Variants in ELMO1 observed in about 807,000 individuals in gnomAD.
ELMO1 encodes engulfment and cell motility 1.
ELMO1 carries 26 observed loss-of-function variants against 98.9 expected under a neutral mutation model. The ratio of observed to expected loss-of-function variants is 0.26; its 90% confidence interval spans 0.19 to 0.36. The LOEUF (loss-of-function observed/expected upper bound fraction) is 0.36. ELMO1 is among the 10% of genes least tolerant of loss of function. The probability of loss-of-function intolerance (pLI) is 1.00; values close to 1 mark genes in which losing one functional copy is unlikely to be tolerated. For synonymous variants in ELMO1, 346 were observed against 346.0 expected (o/e 1.00, Z 0.00); for missense variants, 627 against 935.2 (o/e 0.67, Z 4.30).
At chr7:37,162,434 C>T (rs1789288884) in intron 13 of ELMO1, among the ~76,000 whole-genome samples, 1 of 152,152 alleles carries the variant, frequency 6.6e-6, no homozygotes, top group Admixed American at 6.5e-5. Context: ...CTAATCACAT[C>T]CGAGTCACTT....
chr7:37,388,784 TAG>T (rs1802934442), intron 1 of ELMO1, among the ~76,000 whole-genome samples: 2 of 152,088 alleles, frequency 1.3e-5, no homozygotes, highest in African/African-American at 4.8e-5. Context: ...GCCTGGGCAA[TAG>T]AGAGAGACCC....
At chr7:37,194,361 C>T (rs1791837215) in intron 13 of ELMO1, among the ~76,000 whole-genome samples, 1 of 152,206 alleles carries the variant, frequency 6.6e-6, no homozygotes, top group East Asian at 1.9e-4. Flanking sequence ...CCCGGCCACA[C>T]AAGCTGTGCA....
At chr7:37,298,334 G>C (rs1798163304) in intron 4 of ELMO1, among the ~76,000 whole-genome samples, 1 of 145,440 alleles carries the variant, frequency 6.9e-6, no homozygotes, top group Admixed American at 6.9e-5. Flanking sequence ...TTAAGTTTTA[G>C]GGTACATGTG....
intron 13 of ELMO1, among the ~76,000 whole-genome samples, chr7:37,172,962 A>C (rs150380668): frequency 6.6e-6 from 1 of 152,300 alleles, no homozygotes; most frequent in Non-Finnish European, 1.5e-5. Context: ...AAGGAGTAGA[A>C]GTCAGCAGGG....
intron 13 of ELMO1, among the ~76,000 whole-genome samples, chr7:37,189,973 A>G (rs1791465700): frequency 6.6e-6 from 1 of 151,300 alleles, no homozygotes; most frequent in Admixed American, 6.6e-5. Context: ...ACAATCCTGG[A>G]CTATGAATCT....
At chr7:37,289,995 A>G (rs561551712) in intron 4 of ELMO1, among the ~76,000 whole-genome samples, 82 of 152,362 alleles carry the variant, frequency 5.4e-4, no homozygotes, top group Non-Finnish European at 1.1e-3. Context: ...CTAATGCAAC[A>G]TAGGCCTAAG....
intron 2 of ELMO1, among the ~76,000 whole-genome samples, chr7:37,319,963 G>A (rs374667502): frequency 2.6e-5 from 4 of 152,196 alleles, no homozygotes; most frequent in Admixed American, 6.5e-5. Context: ...TCCAATAAAA[G>A]TGTAAGTCCC....
rs1554344554 is a variant in ELMO1, at chr7:36,870,762, CTGTT to C, written c.1823-291_1823-288del. Among the ~76,000 whole-genome samples the C allele has an allele frequency of 6.6e-6, 1 of 152,200 alleles. No individual in the cohort carries two copies. The highest frequency in any genetic ancestry group is 1.5e-5 in the Non-Finnish European group (1 of 68,046). On this transcript the variant is annotated intron_variant, in intron 19 of 21. Transcript: ENST00000310758. The surrounding 1 kb of genome is among the most constrained non-coding windows in gnomAD (Gnocchi z 4.4). ...ACCTAAAAAAACACCCATCATAGTA[CTGTT>C]TGAAGTCATGGCATTAGAAGCAGCA...
intron 2 of ELMO1, among the ~76,000 whole-genome samples, chr7:37,337,388 A>AG (rs1800472753): frequency 1.3e-5 from 2 of 150,994 alleles, no homozygotes; most frequent in African/African-American, 4.9e-5. Flanking sequence ...GGGTAAGGGA[A>AG]GGGGGGAGGG....
intron 1 of ELMO1, among the ~76,000 whole-genome samples, chr7:37,346,542 C>T (rs1801018661): frequency 6.6e-6 from 1 of 152,206 alleles, no homozygotes; most frequent in Non-Finnish European, 1.5e-5. Flanking sequence ...AGTCTGTATG[C>T]TCTTTGAATA....
chr7:37,140,889 C>CTGG (rs1159285461), intron 13 of ELMO1, among the ~76,000 whole-genome samples: 1 of 152,148 alleles, frequency 6.6e-6, no homozygotes, highest in Non-Finnish European at 1.5e-5. Context: ...ACAATAGATG[C>CTGG]TGGCATAGAC....
At chr7:37,421,531 C>T (rs966300279) in intron 1 of ELMO1, among the ~76,000 whole-genome samples, 16 of 152,172 alleles carry the variant, frequency 1.1e-4, no homozygotes. Context: ...AAATCTTTCC[C>T]TGTGAGGATA....
At chr7:37,069,593 A>T (rs1797164262) in intron 15 of ELMO1, among the ~76,000 whole-genome samples, 1 of 152,224 alleles carries the variant, frequency 6.6e-6, no homozygotes. Flanking sequence ...AAATTTCTAA[A>T]GTCTCACATC....
At chr7:37,039,451 C>A (rs762892951) in intron 15 of ELMO1, among the ~76,000 whole-genome samples, 1 of 152,204 alleles carries the variant, frequency 6.6e-6, no homozygotes, top group Non-Finnish European at 1.5e-5. Flanking sequence ...TTGTTCCTTT[C>A]CCCACAAAAC....
At chr7:37,395,201 A>G (rs1307234313) in intron 1 of ELMO1, among the ~76,000 whole-genome samples, 4 of 152,046 alleles carry the variant, frequency 2.6e-5, no homozygotes, top group Admixed American at 2.6e-4. Context: ...CCCCGTCTCT[A>G]CTAAAATAAT....
chr7:37,293,916 T>C (rs1237811480), intron 4 of ELMO1, among the ~76,000 whole-genome samples: 1 of 151,988 alleles, frequency 6.6e-6, no homozygotes, highest in Non-Finnish European at 1.5e-5. Flanking sequence ...TTCATATATA[T>C]AAAATTGAGA....
At chr7:37,427,025 A>C (rs996944133) in intron 1 of ELMO1, among the ~76,000 whole-genome samples, 2 of 152,060 alleles carry the variant, frequency 1.3e-5, no homozygotes, top group Admixed American at 6.6e-5. Flanking sequence ...TCCCGAAAAA[A>C]AGAAAAAAAT....
chr7:37,035,578 G>C (rs1178548129), intron 15 of ELMO1, among the ~76,000 whole-genome samples: 1 of 152,198 alleles, frequency 6.6e-6, no homozygotes, highest in African/African-American at 2.4e-5. Flanking sequence ...TCAGGCAACT[G>C]CAGCTGCAGA....
chr7:37,131,025 G>T (rs1187267511), intron 14 of ELMO1, among the ~76,000 whole-genome samples: 1 of 152,046 alleles, frequency 6.6e-6, no homozygotes, highest in Non-Finnish European at 1.5e-5. Flanking sequence ...TTAATTAGCT[G>T]CCCAGATCAC....
Sources: allele counts gnomAD v4.1 joint callset (sites outside exome capture counted in the v4.1 genomes callset), GRCh38; gene constraint gnomAD v4.1.1; non-coding constraint Gnocchi (gnomAD v3.1); transcripts MANE v1.5; gene names NCBI Gene and HGNC (gene_info 2026-07-23, HGNC 2026-07-21).